Variants in PHF20 observed in about 807,000 individuals in gnomAD.
The protein encoded by PHF20 is PHD finger protein 20.
A neutral mutation model predicts 113.5 loss-of-function variants in PHF20; 23 were observed. The observed-to-expected ratio is 0.20, with a 90% CI of 0.15 to 0.29. The LOEUF (loss-of-function observed/expected upper bound fraction) is 0.29, where lower values mean the gene tolerates loss of function less well. PHF20 is among the 10% of genes least tolerant of loss of function. The pLI is 1.00. For missense variants in PHF20, 943 were observed against 1,219.6 expected, an observed-to-expected ratio of 0.77 and a Z score of 3.38; for synonymous variants, 434 against 457.3, an observed-to-expected ratio of 0.95 and a Z score of 0.65.
chr20:35,909,212 C>G (rs373638518), intron 10 of PHF20, among the ~76,000 whole-genome samples: 1 of 151,792 alleles, frequency 6.6e-6, no homozygotes. Flanking sequence ...TTTGCTGCCC[C>G]ATCAGCTTTT....
intron 2 of PHF20, among the ~76,000 whole-genome samples, chr20:35,820,407 T>C (rs1568609218): frequency 6.6e-6 from 1 of 151,614 alleles, no homozygotes; most frequent in Non-Finnish European, 1.5e-5. Context: ...ATATAGATAA[T>C]GTTAGGTGGT....
chr20:35,935,211 A>G (rs1478566465), intron 15 of PHF20, among the ~76,000 whole-genome samples: 4 of 152,106 alleles, frequency 2.6e-5, no homozygotes, highest in East Asian at 1.9e-4. Context: ...TTTAAAAATA[A>G]TAATTGTTAT....
intron 9 of PHF20, among the ~76,000 whole-genome samples, chr20:35,889,007 T>TTC: frequency 7.3e-6 from 1 of 136,622 alleles, no homozygotes; most frequent in Non-Finnish European, 1.5e-5. Context: ...CCCTCTTAGT[T>TTC]TCTTTTTTTT....
chr20:35,814,733 C>T (rs1453338944), intron 2 of PHF20, among the ~76,000 whole-genome samples: 1 of 147,684 alleles, frequency 6.8e-6, no homozygotes, highest in Non-Finnish European at 1.5e-5. Flanking sequence ...ATTAGCCAGG[C>T]GTAGTGGCGG....
At chr20:35,810,444 A>C (rs1170489866) in intron 2 of PHF20, among the ~76,000 whole-genome samples, 1 of 152,064 alleles carries the variant, frequency 6.6e-6, no homozygotes, top group Non-Finnish European at 1.5e-5. Flanking sequence ...TGTTATATGC[A>C]CAAACCAATC....
intron 9 of PHF20, among the ~76,000 whole-genome samples, chr20:35,893,917 A>G (rs2054927540): frequency 6.6e-6 from 1 of 152,238 alleles, no homozygotes; most frequent in Non-Finnish European, 1.5e-5. Flanking sequence ...TGCCCCGCCA[A>G]CATGTACTGT....
intron 6 of PHF20, among the ~76,000 whole-genome samples, chr20:35,867,385 A>G (rs1204729509): frequency 6.6e-6 from 1 of 152,062 alleles, no homozygotes; most frequent in Admixed American, 6.6e-5. Context: ...TCAGCCTCCC[A>G]AGTAGCTGGG....
intron 10 of PHF20, among the ~76,000 whole-genome samples, chr20:35,908,245 C>T (rs2147073965): frequency 1.3e-5 from 2 of 152,332 alleles, no homozygotes; most frequent in Middle Eastern, 3.4e-3. Context: ...TGCCTGTTGT[C>T]ACCTTGTCTA....
At chr20:35,934,811 A>G (rs1281883835) in intron 15 of PHF20, among the ~76,000 whole-genome samples, 4 of 152,220 alleles carry the variant, frequency 2.6e-5, no homozygotes, top group Admixed American at 2.6e-4. Context: ...GTTGAGGTGA[A>G]CTGAACCAAA....
At chr20:35,903,051 T>C in intron 10 of PHF20, among the ~76,000 whole-genome samples, 1 of 139,596 alleles carries the variant, frequency 7.2e-6, no homozygotes, top group Non-Finnish European at 1.5e-5. Context: ...GATTTTCGTT[T>C]CCTTTCCTTT....
chr20:35,871,204 T>C, intron 8 of PHF20, 70 bp downstream of exon 8: 2 of 1,224,974 alleles, frequency 1.6e-6, no homozygotes, highest in South Asian at 2.6e-5. Flanking sequence ...TGTAAATCAT[T>C]ATGTTCTGCC....
At chr20:35,819,183 A>G (rs1231854439) in intron 2 of PHF20, among the ~76,000 whole-genome samples, 1 of 151,754 alleles carries the variant, frequency 6.6e-6, no homozygotes, top group Non-Finnish European at 1.5e-5. Context: ...TGCCCGCCTC[A>G]GCCTCCCAAA....
intron 5 of PHF20, 101 bp downstream of exon 5, chr20:35,858,482 T>G (rs1036228240): frequency 1.6e-6 from 1 of 621,458 alleles, no homozygotes; most frequent in Non-Finnish European, 2.8e-6. Flanking sequence ...TAGCAAGTGT[T>G]TATTTCCTCC....
intron 13 of PHF20, among the ~76,000 whole-genome samples, chr20:35,926,484 C>T (rs1459483061): frequency 2.0e-5 from 3 of 152,032 alleles, no homozygotes; most frequent in Non-Finnish European, 4.4e-5. Flanking sequence ...CGTGATCCGC[C>T]CGCCTCGGCC....
At chr20:35,871,996 T>C in intron 9 of PHF20, 167 bp downstream of exon 9, 1 of 480,612 alleles carries the variant, frequency 2.1e-6, no homozygotes, top group South Asian at 4.8e-5. Context: ...TGATAATTTG[T>C]GTTCCCTCTC....
intron 3 of PHF20, among the ~76,000 whole-genome samples, chr20:35,846,908 A>G (rs2042635222): frequency 6.6e-6 from 1 of 152,188 alleles, no homozygotes; most frequent in Non-Finnish European, 1.5e-5. Context: ...TTCTGGCATC[A>G]GCTTTCATGC....
Position 35,835,850 on chromosome 20 carries a change from A to T in PHF20, c.84-6723A>T, listed in dbSNP as rs1012394666. Among the ~76,000 whole-genome samples the T allele has an allele frequency of 8.8e-4, 134 of 152,106 alleles. 2 individuals are homozygous for T. The highest frequency in any genetic ancestry group is 3.2e-4 in the Non-Finnish European group (22 of 68,020). The stretch of plus-strand genomic sequence containing the variant: ...GAGGCTGAGGTGGGAGAATCACTTG[A>T]ACCCGGGAGGCAGAGGTTGCAGTGA... On this transcript the variant is annotated intron_variant, in intron 2 of 17. Transcript: ENST00000374012.
At chr20:35,913,016 C>T (rs2147082270) in intron 10 of PHF20, among the ~76,000 whole-genome samples, 1 of 152,272 alleles carries the variant, frequency 6.6e-6, no homozygotes, top group East Asian at 1.9e-4. Context: ...AACCAATGAA[C>T]ATGGCATGTT....
At position 35,896,383 on chromosome 20, in the gene PHF20, A is replaced by T. The variant is rs575735266; in HGVS notation, c.1283-2987A>T. Among the ~76,000 whole-genome samples, 35 of 152,170 alleles carry T rather than the reference A, an allele frequency of 2.3e-4. No individual in the cohort carries two copies. In the South Asian group the frequency reaches 5.6e-3, roughly 24 times the overall value. Reference sequence around the variant, plus strand: ...TTGCATACCGAATTCCTAATTTTTTAAAAAAAGATCCATTTAATATAATAT... The same window carrying T: ...TTGCATACCGAATTCCTAATTTTTTTAAAAAAGATCCATTTAATATAATAT... On this transcript the variant is annotated intron_variant, in intron 9 of 17. Coordinates refer to ENST00000374012, the MANE Select transcript of PHF20 (RefSeq NM_016436.5).
Sources: gnomAD v4.1 joint callset for allele counts (sites outside exome capture counted in the v4.1 genomes callset) on GRCh38, gnomAD v4.1.1 for gene constraint, MANE v1.5 for transcripts, NCBI Gene and HGNC (gene_info 2026-07-23, HGNC 2026-07-21) for gene names.